PARD3B: variants seen among roughly 807,000 people sequenced by gnomAD.
PARD3B encodes the protein partitioning defective 3 homolog B.
Under a neutral mutation model 130.2 loss-of-function variants are expected in PARD3B, and 103 were observed. The ratio of observed to expected loss-of-function variants is 0.79; its 90% confidence interval spans 0.67 to 0.93. The LOEUF (loss-of-function observed/expected upper bound fraction) is 0.93, where lower values mean the gene tolerates loss of function less well. PARD3B is among the 40% of genes least tolerant of loss of function. The pLI is 0.00. For missense variants in PARD3B, 1,609 were observed against 1,499.2 expected, an observed-to-expected ratio of 1.07 and a Z score of -1.21; for synonymous variants, 583 against 553.2, an observed-to-expected ratio of 1.05 and a Z score of -0.76.
chr2:204,567,167 A>T (rs1038562246), intron 1 of PARD3B, among the ~76,000 whole-genome samples: 1 of 152,154 alleles, frequency 6.6e-6, no homozygotes, highest in Non-Finnish European at 1.5e-5. Context: ...GGCTTGAGCC[A>T]CTGTGCCCAG....
intron 2 of PARD3B, among the ~76,000 whole-genome samples, chr2:204,741,285 G>A (rs1459958788): frequency 6.6e-6 from 1 of 152,086 alleles, no homozygotes; most frequent in Non-Finnish European, 1.5e-5. Context: ...CCTTGTTCCT[G>A]GCTTTCTCAA....
intron 11 of PARD3B, among the ~76,000 whole-genome samples, chr2:205,162,888 T>TA (rs2034587881): frequency 6.6e-6 from 1 of 152,228 alleles, no homozygotes; most frequent in Admixed American, 6.5e-5. Context: ...CTAAACATTT[T>TA]AAATTCATTT....
At chr2:204,722,313 A>G (rs1432947508) in intron 2 of PARD3B, among the ~76,000 whole-genome samples, 1 of 152,194 alleles carries the variant, frequency 6.6e-6, no homozygotes, top group Non-Finnish European at 1.5e-5. Context: ...CTAATGGCAT[A>G]ACAATAAATG....
Position 204,917,288 on chromosome 2 carries a change from A to G in PARD3B, c.223-47864A>G, listed in dbSNP as rs568796722. On this transcript the variant is annotated intron_variant, in intron 2 of 22. Transcript: ENST00000406610. Reference sequence around the variant, plus strand: ...CTATGGAAGGATCTGTAGCTGAGGAATGACAAGGTCTTGTGGCACTGGGAG... The same window carrying G: ...CTATGGAAGGATCTGTAGCTGAGGAGTGACAAGGTCTTGTGGCACTGGGAG... Among the ~76,000 whole-genome samples the G allele has an allele frequency of 1.5e-3, 234 of 152,200 alleles. 1 individual carries two copies. The highest frequency in any genetic ancestry group is 1.8e-3 in the Admixed American group (27 of 15,282).
intron 2 of PARD3B, among the ~76,000 whole-genome samples, chr2:204,697,147 A>G (rs183089663): frequency 4.3e-4 from 65 of 152,266 alleles, no homozygotes; most frequent in Non-Finnish European, 6.8e-4. Context: ...TTGATTTTCT[A>G]GACTGCTGGC....
intron 15 of PARD3B, among the ~76,000 whole-genome samples, chr2:205,218,183 C>T (rs7564553): frequency 0.51 from 77,398 of 151,516 alleles, 20,080 homozygotes; most frequent in Admixed American, 0.64. Context: ...TGAGCCACCA[C>T]GCCCAGCCCA....
chr2:204,785,308 GT>G (rs1441197561), intron 2 of PARD3B, among the ~76,000 whole-genome samples: 1 of 152,058 alleles, frequency 6.6e-6, no homozygotes, highest in African/African-American at 2.4e-5. Context: ...TGTTCCCCGT[GT>G]AATCTGGCAC....
In PARD3B at chr2:204,606,217, C is replaced by T. The variant is rs533815024; in HGVS notation, c.120+60098C>T. Among the ~76,000 whole-genome samples the T allele has an allele frequency of 3.3e-5, 5 of 152,254 alleles. No homozygotes were observed. Among genetic ancestry groups the T allele is most frequent in the South Asian group, 4.2e-4 (2 of 4,818 alleles). The stretch of plus-strand genomic sequence containing the variant: ...TTGCCACACATGTGGCATAGTGCAG[C>T]GCCTTATGTATTGGTGTTTAAAATC... On this transcript the variant is annotated intron_variant, in intron 1 of 22. Transcript: ENST00000406610. This position sits in a 1 kb window ranked among gnomAD's most constrained non-coding sequence, Gnocchi z 4.0.
intron 15 of PARD3B, among the ~76,000 whole-genome samples, chr2:205,206,348 C>T (rs564565817): frequency 1.2e-4 from 18 of 150,646 alleles, no homozygotes; most frequent in Non-Finnish European, 2.1e-4. Flanking sequence ...GTATATCTCC[C>T]GATGCTATCC....
rs925878916 is a variant in PARD3B, at chr2:204,751,312, GAAAAAC to G, written c.222+65044_222+65049del. On this transcript the variant is annotated intron_variant, in intron 2 of 22. Coordinates refer to ENST00000406610, the MANE Select transcript of PARD3B (RefSeq NM_001302769.2). ...TAAAATTTGGGAGGTTTCCTTTAAA[GAAAAAC>G]AAAAACAAAAACACAAAAAAATGCT... 6.6e-5 allele frequency among the ~76,000 whole-genome samples: 10 copies of G among 152,042 alleles called. 1 individual carries two copies. Among genetic ancestry groups the G allele is most frequent in the South Asian group, 2.1e-4 (1 of 4,826 alleles).
At chr2:205,264,903 G>T (rs927570590) in intron 16 of PARD3B, among the ~76,000 whole-genome samples, 1 of 150,952 alleles carries the variant, frequency 6.6e-6, no homozygotes, top group Non-Finnish European at 1.5e-5. Context: ...TTTGCAAAAA[G>T]TGACTTCATT....
At chr2:205,428,156 G>C (rs2047209171) in intron 19 of PARD3B, among the ~76,000 whole-genome samples, 2 of 152,052 alleles carry the variant, frequency 1.3e-5, no homozygotes, top group South Asian at 4.1e-4. Context: ...GCCAAGGCAG[G>C]TTGATCGCTT....
At chr2:205,285,373 A>G (rs910045063) in intron 16 of PARD3B, among the ~76,000 whole-genome samples, 4 of 152,176 alleles carry the variant, frequency 2.6e-5, no homozygotes, top group African/African-American at 9.7e-5. Flanking sequence ...CACTCAGAGC[A>G]ATTGAATCCT....
intron 2 of PARD3B, among the ~76,000 whole-genome samples, chr2:204,809,021 A>G (rs770633239): frequency 6.6e-6 from 1 of 152,020 alleles, no homozygotes; most frequent in Non-Finnish European, 1.5e-5. Flanking sequence ...GCATTTCTCT[A>G]ATGATGAGTG....
chr2:205,462,984 A>G (rs1429617276), intron 20 of PARD3B, among the ~76,000 whole-genome samples: 1 of 152,148 alleles, frequency 6.6e-6, no homozygotes, highest in Admixed American at 6.6e-5. Flanking sequence ...CCTATCTGAC[A>G]CCTGTAAAAT....
chr2:205,169,899 C>T (rs984136040), intron 11 of PARD3B, among the ~76,000 whole-genome samples: 1 of 151,564 alleles, frequency 6.6e-6, no homozygotes, highest in African/African-American at 2.4e-5. Flanking sequence ...CATAACGAAA[C>T]CATTCAGGGT....
At position 205,122,589 on chromosome 2, in the gene PARD3B, CT is replaced by C. The variant is rs1187773174; in HGVS notation, c.1165+644del. On this transcript the variant is annotated intron_variant, in intron 8 of 22. Coordinates refer to ENST00000406610, the MANE Select transcript of PARD3B (RefSeq NM_001302769.2). This position sits in a 1 kb window ranked among gnomAD's most constrained non-coding sequence, Gnocchi z 4.3. ...ACATAAGCATTCATGTGCTTCTGTG[CT>C]TTTGTTCATTTTGTAACCTCTGCTT... 9.2e-5 allele frequency among the ~76,000 whole-genome samples: 14 copies of C among 152,128 alleles called. No individual in the cohort carries two copies. Among genetic ancestry groups the C allele is most frequent in the Admixed American group, 6.5e-4 (10 of 15,268 alleles).
rs757309026 is a variant in PARD3B at position 204,546,122 on chromosome 2, G to T, written c.120+3G>T. On this transcript the variant is annotated splice_donor_region_variant and intron_variant, in intron 1 of 22. Coordinates refer to ENST00000406610, the MANE Select transcript of PARD3B (RefSeq NM_001302769.2). ...GGTACCTGAAGACCCGGGAGAAGGT[G>T]AGCGCGGCGCGGAGGAGTGGGGCGC... 10 of 1,553,406 alleles carry T rather than the reference G, an allele frequency of 6.4e-6. No individual in the cohort carries two copies. The Middle Eastern group carries it at 5.0e-4, about 77-fold the overall frequency.
At chr2:205,202,038 G>A (rs113146468) in intron 15 of PARD3B, among the ~76,000 whole-genome samples, 2,302 of 152,160 alleles carry the variant, frequency 0.015, 46 homozygotes, top group African/African-American at 0.038. Context: ...ATCTCTAGTG[G>A]TAAAAGACTT....
Sources: gnomAD v4.1 joint callset for allele counts (sites outside exome capture counted in the v4.1 genomes callset) on GRCh38, gnomAD v4.1.1 for gene constraint, Gnocchi (gnomAD v3.1) non-coding constraint, MANE v1.5 for transcripts, NCBI Gene and HGNC (gene_info 2026-07-23, HGNC 2026-07-21) for gene names.